The following SNX25 variants were observed in gnomAD, a reference collection of about 807,000 sequenced individuals.
SNX25 encodes sorting nexin-25.
A neutral mutation model predicts 113.7 loss-of-function variants in SNX25; 62 were observed. The ratio of observed to expected loss-of-function variants is 0.55; its 90% confidence interval spans 0.44 to 0.67. The LOEUF (loss-of-function observed/expected upper bound fraction) is 0.67. Ranked by LOEUF, SNX25 falls within the 30% of genes least tolerant of loss-of-function variation. SNX25 has a pLI of 0.00. For missense variants in SNX25, 1,014 were observed against 1,161.0 expected, an observed-to-expected ratio of 0.87 and a Z score of 1.84; for synonymous variants, 421 against 436.2, an observed-to-expected ratio of 0.97 and a Z score of 0.43.
chr4:185,228,090 T>A (rs868765111), intron 1 of SNX25, among the ~76,000 whole-genome samples: 6 of 151,892 alleles, frequency 4.0e-5, no homozygotes, highest in African/African-American at 1.5e-4. Flanking sequence ...CCTTTGGAGG[T>A]CCATGCCAGT....
rs556195495 is a variant in SNX25, at chr4:185,351,587, G to A, written c.2444G>A (p.Arg815His). 1.9e-5 allele frequency: 31 copies of A among 1,613,970 alleles called. No individual in the cohort carries two copies. The South Asian group carries it at 2.5e-4, about 13-fold the overall frequency. The change falls in exon 14 of 19, where the codon CGC (arginine) becomes CAC (histidine). Residue 815 changes from arginine to histidine, a missense_variant. Transcript: ENST00000652585. Reference protein sequence around the residue: ...SLSSFLERLPRDFFSHQEEET... With the variant: ...SLSSFLERLPHDFFSHQEEET... ...TCCTCATTTTTGGAAAGACTTCCTC[G>A]CGACTTCTTCTCCCACCAGGAGGTG... is the stretch of plus-strand genomic sequence containing the variant.
Position 185,363,547 on chromosome 4 carries a change from C to A in SNX25, c.*82C>A. 1 of 1,296,886 alleles carries A rather than the reference C, an allele frequency of 7.7e-7. No homozygotes were observed. The allele number at this position is 1,296,886 out of a possible 1,614,324, so 80.3% of individuals were successfully genotyped here. A position where few individuals can be genotyped will look rare whatever the true frequency, so the allele number is the denominator to read the frequency against. On this transcript the variant is annotated 3_prime_UTR_variant, in exon 19 of 19. Coordinates refer to ENST00000652585, the MANE Select transcript of SNX25 (RefSeq NM_001378034.2). The surrounding 1 kb of genome is among the most constrained non-coding windows in gnomAD (Gnocchi z 4.2). The stretch of plus-strand genomic sequence containing the variant: ...TTCCTCTTTTCCACAGAGGGCTTAA[C>A]TGAGAACCGTATTGATTTTTATTTT...
intron 16 of SNX25, among the ~76,000 whole-genome samples, chr4:185,359,156 C>T (rs1160598749): frequency 2.6e-5 from 4 of 152,076 alleles, no homozygotes; most frequent in Non-Finnish European, 5.9e-5. Context: ...AGTTTACGAC[C>T]AGCCTGGGCA....
chr4:185,236,587 T>C (rs1742684200), intron 1 of SNX25, among the ~76,000 whole-genome samples: 1 of 152,204 alleles, frequency 6.6e-6, no homozygotes, highest in Non-Finnish European at 1.5e-5. Context: ...GAATAAATTA[T>C]GATATAAGCT....
intron 3 of SNX25, among the ~76,000 whole-genome samples, chr4:185,259,449 C>T (rs1351519018): frequency 6.6e-6 from 1 of 151,948 alleles, no homozygotes; most frequent in African/African-American, 2.4e-5. Flanking sequence ...TTTGTGAGTC[C>T]TATGTTGAGC....
intron 3 of SNX25, among the ~76,000 whole-genome samples, chr4:185,263,342 A>G (rs532713218): frequency 3.0e-4 from 45 of 152,316 alleles, no homozygotes; most frequent in African/African-American, 1.0e-3. Flanking sequence ...TAATCTTACT[A>G]TATTGAAATA....
chr4:185,339,606 T>C (rs1457841695), intron 11 of SNX25, 96 bp downstream of exon 11: 13 of 1,429,472 alleles, frequency 9.1e-6, no homozygotes, highest in Non-Finnish European at 1.2e-5. Flanking sequence ...GGTAGAAAAC[T>C]TACACTCATT....
intron 14 of SNX25, 23 bp from the exon 15 acceptor site, chr4:185,353,462 C>T (rs376100552): frequency 6.3e-7 from 1 of 1,582,536 alleles, no homozygotes. Context: ...TATCTGCTTC[C>T]TATGACTTTG....
intron 6 of SNX25, among the ~76,000 whole-genome samples, chr4:185,290,281 G>A (rs1751958030): frequency 6.6e-6 from 1 of 152,212 alleles, no homozygotes; most frequent in Non-Finnish European, 1.5e-5. Context: ...TTATGTTACA[G>A]ACATTCTCAG....
downstream of SNX25, chr4:185,365,596 T>C (rs28685090): frequency 0.14 from 20,610 of 150,572 alleles, 2,572 homozygotes; most frequent in African/African-American, 0.33. Context: ...CCTCATGATC[T>C]GCCCGCCTCA....
At chr4:185,376,883 G>GA in the SNX25 span, 3 of 1,527,034 alleles carry the variant, frequency 2.0e-6, no homozygotes, top group Non-Finnish European at 2.7e-6. Flanking sequence ...TACAGGAAAT[G>GA]AAAACGAATA....
intron 5 of SNX25, among the ~76,000 whole-genome samples, chr4:185,271,057 A>C (rs1748855290): frequency 6.6e-6 from 1 of 152,170 alleles, no homozygotes; most frequent in Non-Finnish European, 1.5e-5. Context: ...ACCTCTTCCT[A>C]GTATGGCCTC....
At chr4:185,361,453 A>T (rs1265667290) in intron 16 of SNX25, among the ~76,000 whole-genome samples, 1 of 152,174 alleles carries the variant, frequency 6.6e-6, no homozygotes, top group Non-Finnish European at 1.5e-5. Flanking sequence ...AAATAAAAAA[A>T]TGGGCCAGGC....
intron 13 of SNX25, among the ~76,000 whole-genome samples, chr4:185,349,762 G>A (rs756262672): frequency 5.3e-5 from 8 of 152,096 alleles, no homozygotes; most frequent in Non-Finnish European, 1.0e-4. Flanking sequence ...TGAATTGTTT[G>A]AGTTGTTTTC....
chr4:185,298,130 C>A (rs6847192), intron 6 of SNX25, among the ~76,000 whole-genome samples: 1 of 148,354 alleles, frequency 6.7e-6, no homozygotes, highest in African/African-American at 2.5e-5. Context: ...ACTCTGTCAC[C>A]CAGACTGCAG....
intron 16 of SNX25, among the ~76,000 whole-genome samples, chr4:185,359,163 G>A (rs2095351315): frequency 6.6e-6 from 1 of 152,092 alleles, no homozygotes; most frequent in South Asian, 2.1e-4. Flanking sequence ...GACCAGCCTG[G>A]GCAACATGGT....
chr4:185,282,409 T>C (rs1343286283), intron 5 of SNX25, among the ~76,000 whole-genome samples: 1 of 152,156 alleles, frequency 6.6e-6, no homozygotes, highest in Non-Finnish European at 1.5e-5. Context: ...CCTCAAGTGA[T>C]CTACCCACCT....
chr4:185,346,133 A>G (rs1187717136), intron 12 of SNX25, among the ~76,000 whole-genome samples: 1 of 152,256 alleles, frequency 6.6e-6, no homozygotes, highest in African/African-American at 2.4e-5. Flanking sequence ...TGTTGGGATT[A>G]CAGGCGTGAG....
chr4:185,366,883 A>AGAAAG (rs2095389771), downstream of SNX25: 1 of 208,432 alleles, frequency 4.8e-6, no homozygotes, highest in Non-Finnish European at 9.5e-6. Context: ...TCGGTGTTTA[A>AGAAAG]GAAAGGATAA....
Sources: allele counts gnomAD v4.1 joint callset (sites outside exome capture counted in the v4.1 genomes callset), GRCh38; gene constraint gnomAD v4.1.1; non-coding constraint Gnocchi (gnomAD v3.1); transcripts MANE v1.5; gene names NCBI Gene and HGNC (gene_info 2026-07-23, HGNC 2026-07-21).